The following ZSCAN32 variants were observed in gnomAD, a reference collection of about 807,000 sequenced individuals.
ZSCAN32 encodes zinc finger and SCAN domain-containing protein 32.
In ZSCAN32, 52 loss-of-function variants were observed where a neutral mutation model predicts 47.4. The ratio of observed to expected loss-of-function variants is 1.10; its 90% CI spans 0.88 to 1.38. The LOEUF (loss-of-function observed/expected upper bound fraction) is 1.38. Ranked by LOEUF, ZSCAN32 falls within the 40% of genes most tolerant of loss-of-function variation. The pLI is 0.00. For missense variants in ZSCAN32, 959 were observed against 846.0 expected (o/e 1.13, Z -1.66); for synonymous variants, 346 against 305.7 (o/e 1.13, Z -1.38).
rs575158060 is a variant in ZSCAN32, at chr16:3,397,145, G to A, written c.366+47C>T. On this transcript the variant is annotated intron_variant, in intron 2 of 6. Coordinates refer to ENST00000396852, the MANE Select transcript of ZSCAN32 (RefSeq NM_001284527.2). ...CACCTCTCCAGTAACTGGATTCCCCGACAACTTCATAACCAAAACCACAAA... is the reference window on the plus strand; with the variant it reads ...CACCTCTCCAGTAACTGGATTCCCCAACAACTTCATAACCAAAACCACAAA... The A allele has an allele frequency of 3.5e-4, 519 of 1,470,746 alleles. 2 individuals are homozygous for A. In the South Asian group the frequency reaches 6.9e-3, roughly 19 times the overall value. 91.1% of individuals were successfully genotyped at this position (1,470,746 alleles called of 1,614,324 possible).
intron 1 of ZSCAN32, among the ~76,000 whole-genome samples, chr16:3,399,155 G>A (rs774470840): frequency 3.9e-5 from 6 of 152,096 alleles, no homozygotes; most frequent in African/African-American, 4.8e-5. Flanking sequence ...CCCGGGAGGC[G>A]GAGGTTGCAG....
intron 1 of ZSCAN32, among the ~76,000 whole-genome samples, chr16:3,399,130 G>A (rs555990752): frequency 2.2e-4 from 33 of 152,308 alleles, no homozygotes; most frequent in Non-Finnish European, 4.6e-4. Context: ...GGCTGAGGCA[G>A]GAGAATCGCT....
At chr16:3,392,187 A>G (rs1252974038) in intron 3 of ZSCAN32, among the ~76,000 whole-genome samples, 2 of 152,222 alleles carry the variant, frequency 1.3e-5, no homozygotes, top group African/African-American at 4.8e-5. Context: ...CACAACAGGT[A>G]AATCCATGGA....
Position 3,383,600 on chromosome 16 carries a change from G to A in ZSCAN32, c.1346C>T (p.Ser449Phe), listed in dbSNP as rs751620210. The stretch of plus-strand genomic sequence containing the variant: ...ACTCTCCAAGCCTTTTTGTAGCTCA[G>A]AGTGCCAATAAACTCCTCTGGACTT... The part of the protein sequence containing the change: ...QRKSRGVYWH[S>F]ELQKGLESEP... Residue 449 changes from serine to phenylalanine, a missense_variant, in exon 7 of 7, where the codon TCT becomes TTT. By Grantham distance (155) the Ser-to-Phe change is radical. Transcript: ENST00000396852. 1 of 1,613,738 alleles carries A rather than the reference G, an allele frequency of 6.2e-7. No individual in the cohort carries two copies. Among genetic ancestry groups the A allele is most frequent in the South Asian group, 1.1e-5 (1 of 91,076 alleles).
chr16:3,384,329 C>G (rs746726419), intron 6 of ZSCAN32, 130 bp downstream of exon 6: 1 of 1,376,024 alleles, frequency 7.3e-7, no homozygotes, highest in South Asian at 1.4e-5. Context: ...AAAACCAAAA[C>G]TTGGATAGGG....
chr16:3,383,742 T>C (rs1377502478), intron 6 of ZSCAN32, 31 bp from the exon 7 acceptor site: 2 of 1,545,922 alleles, frequency 1.3e-6, no homozygotes, highest in South Asian at 1.2e-5. Flanking sequence ...AGAAATACAA[T>C]GGACTATAGA....
chr16:3,396,213 A>C (rs1257319300), intron 2 of ZSCAN32, among the ~76,000 whole-genome samples: 1 of 152,182 alleles, frequency 6.6e-6, no homozygotes, highest in Non-Finnish European at 1.5e-5. Flanking sequence ...TATGAATAAG[A>C]GTCCCAATCC....
chr16:3,397,104 G>T (rs2033439037), intron 2 of ZSCAN32, 88 bp downstream of exon 2: 1 of 1,440,246 alleles, frequency 6.9e-7, no homozygotes. Flanking sequence ...GGGCTACTGT[G>T]TGTTTCTCAA....
rs953348543 is a variant in ZSCAN32, at chr16:3,388,849, A to C, written c.751+1161T>G. ...GTGTCTGCAAAGGGCTTGCAGGGGA[A>C]GGACGGGGAGAAACTGCTGGATGGT... On this transcript the variant is annotated intron_variant, in intron 5 of 6. Coordinates refer to ENST00000396852, the MANE Select transcript of ZSCAN32 (RefSeq NM_001284527.2). Among the ~76,000 whole-genome samples the C allele has an allele frequency of 3.9e-5, 6 of 152,226 alleles. No individual in the cohort carries two copies. In the Middle Eastern group the frequency reaches 0.01, roughly 259 times the overall value.
intron 2 of ZSCAN32, 123 bp from the exon 3 acceptor site, chr16:3,393,937 C>T: frequency 1.3e-6 from 1 of 742,936 alleles, no homozygotes; most frequent in Non-Finnish European, 2.0e-6. Context: ...CTAGGAGCCA[C>T]TGTATTGCTG....
At chr16:3,390,311 ACCCGAGAAG>A in intron 4 of ZSCAN32, 103 bp downstream of exon 4, 1 of 1,355,374 alleles carries the variant, frequency 7.4e-7, no homozygotes, top group Non-Finnish European at 1.0e-6. Flanking sequence ...AATCAAAATA[ACCCGAGAAG>A]CCCCATGGAC....
At chr16:3,395,371 T>C (rs980536770) in intron 2 of ZSCAN32, among the ~76,000 whole-genome samples, 2 of 152,214 alleles carry the variant, frequency 1.3e-5, no homozygotes, top group Non-Finnish European at 2.9e-5. Context: ...CCACGTGTCA[T>C]GGGAAGGACC....
intron 3 of ZSCAN32, 99 bp from the exon 4 acceptor site, chr16:3,390,616 C>G (rs1453334027): frequency 1.1e-6 from 1 of 894,576 alleles, no homozygotes; most frequent in Non-Finnish European, 1.7e-6. Flanking sequence ...CATCAGCAGC[C>G]CCTGGCAACC....
Position 3,382,196 on chromosome 16 carries a change from T to A in ZSCAN32, c.*656A>T, listed in dbSNP as rs1193160123. On this transcript the variant is annotated 3_prime_UTR_variant, in exon 7 of 7. Transcript: ENST00000396852. ...AGTAATGTCTATAAACCACTTACTT[T>A]AAGAGACAATCAGGAACTATGATGA... The A allele has an allele frequency of 6.6e-6, 1 of 152,230 alleles. No individual in the cohort carries two copies. Among genetic ancestry groups the A allele is most frequent in the Non-Finnish European group, 1.5e-5 (1 of 68,052 alleles). The allele number at this position is 152,230 out of a possible 1,614,324, so 9.4% of individuals were successfully genotyped here. A position where few individuals can be genotyped will look rare whatever the true frequency, so the allele number is the denominator to read the frequency against.
chr16:3,397,698 G>A lies in ZSCAN32; in HGVS notation c.-141C>T. 8.8e-7 allele frequency: 1 copy of A among 1,142,442 alleles called. No homozygotes were observed. Among genetic ancestry groups the A allele is most frequent in the Non-Finnish European group, 1.2e-6 (1 of 836,770 alleles). The allele number at this position is 1,142,442 out of a possible 1,614,324, so 70.8% of individuals were successfully genotyped here. On this transcript the variant is annotated 5_prime_UTR_variant, in exon 2 of 7. Coordinates refer to ENST00000396852, the MANE Select transcript of ZSCAN32 (RefSeq NM_001284527.2). ...CGTGGGACATGAGAGTGTCAGACATGTGTAGAGACTCACAGCGGAAAAAAA... is the reference window on the plus strand; with the variant it reads ...CGTGGGACATGAGAGTGTCAGACATATGTAGAGACTCACAGCGGAAAAAAA...
At chr16:3,390,313 C>G in intron 4 of ZSCAN32, 110 bp downstream of exon 4, 3 of 1,351,746 alleles carry the variant, frequency 2.2e-6, no homozygotes, top group East Asian at 2.5e-5. Flanking sequence ...TCAAAATAAC[C>G]CGAGAAGCCC....
At position 3,383,386 on chromosome 16, in the gene ZSCAN32, T is replaced by A. The variant is rs766937067; in HGVS notation, c.1560A>T (p.Val520=). The A allele has an allele frequency of 6.2e-7, 1 of 1,614,208 alleles. No homozygotes were observed. Among genetic ancestry groups the A allele is most frequent in the Admixed American group, 1.7e-5 (1 of 60,024 alleles). ...TTTTCCCACATTCAGGACATTGAGA[T>A]ACTTTTTCCAGTTTGAGCGCTGGCT... is the stretch of plus-strand genomic sequence containing the variant. ...PHKPALKLEK[V]SQCPECGKTF... is the part of the protein sequence containing the mutation. Residue 520 remains valine (V), a synonymous_variant, in exon 7 of 7, where the codon GTA becomes GTT. Coordinates refer to ENST00000396852, the MANE Select transcript of ZSCAN32 (RefSeq NM_001284527.2).
Position 3,384,657 on chromosome 16 carries a change from G to C in ZSCAN32, c.1036C>G (p.Pro346Ala). ...GGAACAGCATCGCTTGCCATAGGAG[G>C]TGCAGAGGCCCAGGAGCCTGAAAGA... ...NALSGSWASA[P>A]PMASDAVPGQ... The change falls in exon 6 of 7, where the codon CCT becomes GCT. Residue 346 changes from proline (P) to alanine (A), a missense_variant. Pro to Ala is a conservative substitution (Grantham distance 27). Transcript: ENST00000396852. The C allele has an allele frequency of 6.2e-7, 1 of 1,614,176 alleles. No individual in the cohort carries two copies. Among genetic ancestry groups the C allele is most frequent in the Non-Finnish European group, 8.5e-7 (1 of 1,180,036 alleles).
At chr16:3,392,952 G>C (rs2032895790) in intron 3 of ZSCAN32, among the ~76,000 whole-genome samples, 1 of 150,862 alleles carries the variant, frequency 6.6e-6, no homozygotes, top group African/African-American at 2.4e-5. Context: ...GGATGGGGAA[G>C]GGGATTTAAT....
Sources: allele counts gnomAD v4.1 joint callset (sites outside exome capture counted in the v4.1 genomes callset), GRCh38; gene constraint gnomAD v4.1.1; transcripts MANE v1.5; gene names NCBI Gene and HGNC (gene_info 2026-07-23, HGNC 2026-07-21).